The following DDX6 variants were observed in gnomAD, a reference collection of about 807,000 sequenced individuals.
The protein encoded by DDX6 is probable ATP-dependent RNA helicase DDX6.
DDX6 carries 7 observed loss-of-function variants against 60.6 expected under a neutral mutation model. The observed-to-expected ratio is 0.12, with a 90% CI of 0.07 to 0.22. DDX6 has a LOEUF of 0.22. Ranked by LOEUF, DDX6 falls within the 10% of genes least tolerant of loss-of-function variation. The pLI is 1.00. For missense variants in DDX6, 270 were observed against 589.9 expected, an observed-to-expected ratio of 0.46 and a Z score of 5.62; for synonymous variants, 207 against 201.0, an observed-to-expected ratio of 1.03 and a Z score of -0.25.
At chr11:118,779,459 T>A (rs976881333) in intron 4 of DDX6, among the ~76,000 whole-genome samples, 173 bp downstream of exon 4, 1 of 152,130 alleles carries the variant, frequency 6.6e-6, no homozygotes, top group Non-Finnish European at 1.5e-5. Flanking sequence ...CACACCGAAA[T>A]ATTTAGAGTT....
At chr11:118,791,714 C>G (rs887172781), upstream of DDX6, 5 of 152,192 alleles carry the variant, frequency 3.3e-5, no homozygotes, top group African/African-American at 1.2e-4. Context: ...AGGCGCGGAA[C>G]TAGCGACCCG....
chr11:118,764,817 A>ATACACACACAC (rs553618618), intron 6 of DDX6, among the ~76,000 whole-genome samples: 4 of 20,370 alleles, frequency 2.0e-4, no homozygotes, highest in East Asian at 2.9e-3. Flanking sequence ...AAAAAAAAAA[A>ATACACACACAC]ATATACACAC....
chr11:118,754,821 C>T lies in DDX6; in HGVS notation c.1343G>A (p.Ser448Asn), dbSNP rs782707531. 13 of 1,613,784 alleles carry T rather than the reference C, an allele frequency of 8.1e-6. No individual in the cohort carries two copies. Among genetic ancestry groups the T allele is most frequent in the Non-Finnish European group, 1.1e-5 (13 of 1,179,872 alleles). ...TTCTGTTCCCAGCTGCTCCTCAATA[C>T]TTTTCAGGTTGAAGCGATCATCATA... ...ITYDDRFNLK[S>N]IEEQLGTEIK... The change falls in exon 13 of 14, where the codon AGT becomes AAT. Residue 448 changes from serine to asparagine, a missense_variant. Physicochemically the swap from Ser to Asn is conservative, Grantham distance 46. This residue lies in a region of DDX6 where 34 missense variants were observed against 59.4 expected (regional missense o/e 0.57). Coordinates refer to ENST00000534980, the MANE Select transcript of DDX6 (RefSeq NM_004397.6).
intron 6 of DDX6, among the ~76,000 whole-genome samples, chr11:118,764,027 A>T (rs1046095550): frequency 6.6e-6 from 1 of 152,152 alleles, no homozygotes; most frequent in Non-Finnish European, 1.5e-5. Flanking sequence ...TGCTTTCAAC[A>T]GTAGGCATAC....
chr11:118,761,686 T>C (rs1159490733), intron 7 of DDX6, among the ~76,000 whole-genome samples: 3 of 152,272 alleles, frequency 2.0e-5, no homozygotes, highest in Non-Finnish European at 4.4e-5. Flanking sequence ...TTCTTAAAAA[T>C]TAAACCTAAA....
chr11:118,776,071 GAGTTTGAGGCTGCAGTGAGCTA>G (rs1436121551), intron 4 of DDX6, among the ~76,000 whole-genome samples: 3 of 152,194 alleles, frequency 2.0e-5, no homozygotes, highest in Non-Finnish European at 4.4e-5. Flanking sequence ...GTGAGCCCAG[GAGTTTGAGGCTGCAGTGAGCTA>G]AGATTCTGAC....
At chr11:118,760,236 C>T (rs1262177929) in intron 7 of DDX6, among the ~76,000 whole-genome samples, 192 bp from the exon 8 acceptor site, 1 of 152,100 alleles carries the variant, frequency 6.6e-6, no homozygotes, top group Non-Finnish European at 1.5e-5. Flanking sequence ...TAATCCCCAT[C>T]TTCTAGGGGA....
At chr11:118,757,737 CCCA>C (rs1555159293) in intron 9 of DDX6, among the ~76,000 whole-genome samples, 1 of 151,940 alleles carries the variant, frequency 6.6e-6, no homozygotes, top group Non-Finnish European at 1.5e-5. Flanking sequence ...ATTACAGGCA[CCCA>C]CCACAATGCC....
intron 9 of DDX6, 99 bp downstream of exon 9, chr11:118,758,675 C>T (rs376394026): frequency 2.3e-5 from 33 of 1,430,460 alleles, no homozygotes; most frequent in South Asian, 1.1e-4. Context: ...AGAAACACTA[C>T]GAACTTTTAT....
intron 4 of DDX6, among the ~76,000 whole-genome samples, chr11:118,775,084 G>A (rs1391423042): frequency 6.6e-6 from 1 of 152,176 alleles, no homozygotes; most frequent in African/African-American, 2.4e-5. Flanking sequence ...GGAGGCCGAG[G>A]AGAGTGGATC....
rs1860674394 is a variant in DDX6 at position 118,749,362 on chromosome 11, AAAAAAAAAAAAAAAAAAAAGACCAGGC to A, written c.*2716_*2742del. On this transcript the variant is annotated 3_prime_UTR_variant, in exon 14 of 14. Coordinates refer to ENST00000534980, the MANE Select transcript of DDX6 (RefSeq NM_004397.6). ...TATGAGGGCCCAAAAAAGAAAGAAA[AAAAAAAAAAAAAAAAAAAAGACCAGGC>A]TTTGACCTAGTCCTCAGAGCATCTT... The A allele has an allele frequency of 7.3e-6, 1 of 137,380 alleles. No homozygotes were observed. Among genetic ancestry groups the A allele is most frequent in the African/African-American group, 2.7e-5 (1 of 37,562 alleles). 8.5% of individuals were successfully genotyped at this position (137,380 alleles called of 1,614,324 possible). A position where few individuals can be genotyped will look rare whatever the true frequency, so the allele number is the denominator to read the frequency against.
intron 13 of DDX6, chr11:118,754,496 C>G: frequency 4.3e-6 from 2 of 464,388 alleles, no homozygotes. Context: ...CCACATTACC[C>G]GGGAAGCTGC....
At chr11:118,791,337 C>T (rs1049902735), upstream of DDX6, 3 of 152,042 alleles carry the variant, frequency 2.0e-5, no homozygotes, top group Non-Finnish European at 4.4e-5. Context: ...GAGAGGAAGT[C>T]GGGCCGCGAA....
intron 11 of DDX6, 48 bp downstream of exon 11, chr11:118,756,212 A>T: frequency 6.5e-7 from 1 of 1,545,504 alleles, no homozygotes; most frequent in Non-Finnish European, 8.9e-7. Flanking sequence ...AAAGCAAAAA[A>T]CAACTTGGGA....
At chr11:118,779,082 T>C (rs1240144211) in intron 4 of DDX6, among the ~76,000 whole-genome samples, 13 of 142,620 alleles carry the variant, frequency 9.1e-5, no homozygotes, top group Non-Finnish European at 7.5e-5. Flanking sequence ...CTTGAGCCCA[T>C]GAGGTCAAGG....
chr11:118,778,732 C>T (rs1166440560), intron 4 of DDX6, among the ~76,000 whole-genome samples: 3 of 151,922 alleles, frequency 2.0e-5, no homozygotes, highest in Non-Finnish European at 4.4e-5. Context: ...TTAACATCAC[C>T]AAAGAGGAAT....
In DDX6 at chr11:118,770,201, T is replaced by C. The variant is rs893979823; in HGVS notation, c.370-1849A>G. Among the ~76,000 whole-genome samples, 7 of 152,048 alleles carry C rather than the reference T, an allele frequency of 4.6e-5. No homozygotes were observed. In the East Asian group the frequency reaches 1.4e-3, roughly 29 times the overall value. On this transcript the variant is annotated intron_variant, in intron 4 of 13. Transcript: ENST00000534980. ...CCACCACACCCAGCTAATTCTTGTA[T>C]TTTTAGTAGAGACGGGGTGTTTCAC...
At chr11:118,773,414 A>G (rs1861599946) in intron 4 of DDX6, among the ~76,000 whole-genome samples, 1 of 150,802 alleles carries the variant, frequency 6.6e-6, no homozygotes, top group Admixed American at 6.6e-5. Context: ...CTAAAAAAAT[A>G]CAAAAAAATT....
At chr11:118,753,646 G>A (rs1356648396) in intron 13 of DDX6, among the ~76,000 whole-genome samples, 1 of 151,966 alleles carries the variant, frequency 6.6e-6, no homozygotes, top group Non-Finnish European at 1.5e-5. Flanking sequence ...CCCAGAGTGG[G>A]TATTTTAAAA....
Sources: gnomAD v4.1 joint callset for allele counts (sites outside exome capture counted in the v4.1 genomes callset) on GRCh38, gnomAD v4.1.1 for gene constraint, gnomAD v4.1.1 regional missense constraint, MANE v1.5 for transcripts, NCBI Gene and HGNC (gene_info 2026-07-23, HGNC 2026-07-21) for gene names.